The following NELL1 variants were observed in gnomAD, a reference collection of about 807,000 sequenced individuals.
NELL1 encodes the protein protein kinase C-binding protein NELL1.
NELL1 carries 76 observed loss-of-function variants against 107.4 expected under a neutral mutation model. That is an observed-to-expected ratio of 0.71 (90% CI 0.59 to 0.86). The LOEUF is 0.86. Among genes scored for constraint, NELL1 ranks in the 40% least tolerant of loss-of-function variants. The pLI, the probability that NELL1 is intolerant of heterozygous loss-of-function variation, is 0.00. For synonymous variants in NELL1, 353 were observed against 341.2 expected (o/e 1.03, Z -0.38); for missense variants, 1,024 against 1,005.5 (o/e 1.02, Z -0.25).
chr11:20,967,462 A>G (rs1851409841), intron 12 of NELL1, among the ~76,000 whole-genome samples: 1 of 152,196 alleles, frequency 6.6e-6, no homozygotes, highest in African/African-American at 2.4e-5. Context: ...CCTGAGTTCC[A>G]GGGTGTTGAA....
At chr11:21,099,473 G>A (rs566276107) in intron 12 of NELL1, among the ~76,000 whole-genome samples, 43 of 152,304 alleles carry the variant, frequency 2.8e-4, no homozygotes, top group African/African-American at 1.0e-3. Flanking sequence ...AATCACTGAC[G>A]GGTGGCAACA....
At chr11:21,261,907 A>G (rs12361591) in intron 14 of NELL1, among the ~76,000 whole-genome samples, 1,840 of 151,982 alleles carry the variant, frequency 0.012, 18 homozygotes, top group Non-Finnish European at 0.02. Context: ...AGATCTTTAA[A>G]TAGCACATTT....
chr11:21,212,707 C>G (rs1857525555), intron 13 of NELL1, among the ~76,000 whole-genome samples: 1 of 152,166 alleles, frequency 6.6e-6, no homozygotes, highest in Admixed American at 6.5e-5. Flanking sequence ...AACTGGAGCT[C>G]TACCTCCACC....
intron 15 of NELL1, among the ~76,000 whole-genome samples, chr11:21,409,158 A>G (rs1021568895): frequency 2.0e-5 from 3 of 152,136 alleles, no homozygotes; most frequent in Non-Finnish European, 2.9e-5. Flanking sequence ...ACTATTATCA[A>G]TAGCAAAGAC....
chr11:20,829,014 G>C (rs974951326), intron 3 of NELL1, among the ~76,000 whole-genome samples: 1 of 152,122 alleles, frequency 6.6e-6, no homozygotes, highest in Non-Finnish European at 1.5e-5. Flanking sequence ...TTGGGATGTC[G>C]ATCACTGGTT....
rs182346805 is a variant in NELL1, at chr11:20,975,575, T to C, written c.1300+15015T>C. ...ACATATATGTACAGATATAATGTAT[T>C]ATATACACATATGTAGATATAATGT... On this transcript the variant is annotated intron_variant, in intron 12 of 19. Coordinates refer to ENST00000357134, the MANE Select transcript of NELL1 (RefSeq NM_006157.5). 6.2e-3 allele frequency among the ~76,000 whole-genome samples: 625 copies of C among 101,218 alleles called. 8 individuals are homozygous for C. Among genetic ancestry groups the C allele is most frequent in the African/African-American group, 0.025 (578 of 23,090 alleles). The allele number at this position is 101,218 out of a possible 152,430, so 66.4% of individuals were successfully genotyped here. A position where few individuals can be genotyped will look rare whatever the true frequency, so the allele number is the denominator to read the frequency against.
chr11:21,562,164 GA>G (rs1183335740), intron 17 of NELL1, among the ~76,000 whole-genome samples: 1 of 151,998 alleles, frequency 6.6e-6, no homozygotes, highest in Non-Finnish European at 1.5e-5. Flanking sequence ...AAGCCATGAT[GA>G]AGCAGGGAAC....
intron 12 of NELL1, among the ~76,000 whole-genome samples, chr11:21,062,126 G>T (rs78511782): frequency 0.014 from 2,109 of 152,236 alleles, 40 homozygotes; most frequent in African/African-American, 0.048. Flanking sequence ...TTGAAATGTG[G>T]TTAGTCGAAT....
intron 12 of NELL1, among the ~76,000 whole-genome samples, chr11:21,058,271 T>G (rs1381855181): frequency 1.3e-5 from 2 of 152,190 alleles, no homozygotes; most frequent in African/African-American, 4.8e-5. Flanking sequence ...TTTGAATTAC[T>G]TTGCCTAAAA....
At chr11:21,048,560 C>G (rs79009958) in intron 12 of NELL1, among the ~76,000 whole-genome samples, 1 of 152,054 alleles carries the variant, frequency 6.6e-6, no homozygotes, top group Admixed American at 6.6e-5. Flanking sequence ...GAGTTTTTAA[C>G]CTGCTGGGTT....
At chr11:21,451,232 A>G in intron 15 of NELL1, among the ~76,000 whole-genome samples, 1 of 151,986 alleles carries the variant, frequency 6.6e-6, no homozygotes, top group African/African-American at 2.4e-5. Context: ...AAAAAGAAAA[A>G]AGAAATTGAG....
rs1411754165 is a variant in NELL1, at chr11:21,567,714, A to C, written c.1981-3050A>C. Among the ~76,000 whole-genome samples, 3 of 151,960 alleles carry C rather than the reference A, an allele frequency of 2.0e-5. No individual in the cohort carries two copies. In the East Asian group the frequency reaches 5.9e-4, roughly 30 times the overall value. On this transcript the variant is annotated intron_variant, in intron 17 of 19. Transcript: ENST00000357134. ...GTCTGATTATTCAGCGTTGTTGTGG[A>C]TAAAGTAGATAAAGACCCTGAGGGC...
chr11:21,004,840 TA>T (rs2134278490), intron 12 of NELL1, among the ~76,000 whole-genome samples: 1 of 152,218 alleles, frequency 6.6e-6, no homozygotes, highest in Admixed American at 6.5e-5. Context: ...TTATTAAAAA[TA>T]ATTTTTTGAA....
intron 10 of NELL1, among the ~76,000 whole-genome samples, chr11:20,938,834 A>G (rs983247834): frequency 2.6e-5 from 4 of 152,246 alleles, no homozygotes; most frequent in Non-Finnish European, 4.4e-5. Context: ...TAGACAGAAC[A>G]GGTGACAATG....
At chr11:21,393,391 T>C (rs983491267) in intron 15 of NELL1, among the ~76,000 whole-genome samples, 1 of 151,630 alleles carries the variant, frequency 6.6e-6, no homozygotes, top group African/African-American at 2.4e-5. Context: ...GTAATTACAA[T>C]TAAATACACT....
intron 12 of NELL1, among the ~76,000 whole-genome samples, chr11:21,100,541 C>A (rs988505072): frequency 1.3e-5 from 2 of 152,152 alleles, no homozygotes; most frequent in Non-Finnish European, 2.9e-5. Context: ...AACAGCTTAG[C>A]GGTTTCTCAA....
chr11:21,264,012 A>T (rs889963757), intron 14 of NELL1, among the ~76,000 whole-genome samples: 6 of 150,062 alleles, frequency 4.0e-5, no homozygotes, highest in South Asian at 4.2e-4. Flanking sequence ...TTTATAGAGA[A>T]TTTTTTTGTT....
chr11:21,129,877 T>C (rs1174716742), intron 13 of NELL1, among the ~76,000 whole-genome samples: 2 of 152,134 alleles, frequency 1.3e-5, no homozygotes, highest in Non-Finnish European at 2.9e-5. Flanking sequence ...TACCACTGAA[T>C]TGTGCACTGA....
intron 14 of NELL1, among the ~76,000 whole-genome samples, chr11:21,346,632 A>T (rs1590857595): frequency 6.8e-6 from 1 of 148,106 alleles, no homozygotes; most frequent in Admixed American, 6.8e-5. Flanking sequence ...TATCAAATAT[A>T]TATTAATTAT....
Sources: allele counts gnomAD v4.1 joint callset (sites outside exome capture counted in the v4.1 genomes callset), GRCh38; gene constraint gnomAD v4.1.1; transcripts MANE v1.5; gene names NCBI Gene and HGNC (gene_info 2026-07-23, HGNC 2026-07-21).